Variants in LGSN observed in about 807,000 individuals in gnomAD.
LGSN encodes lengsin.
In LGSN, 21 loss-of-function variants were observed where a neutral mutation model predicts 19.5. The observed-to-expected ratio is 1.07, with a 90% CI of 0.76 to 1.55. LGSN has a LOEUF of 1.55. LGSN is among the 40% of genes most tolerant of loss of function. LGSN has a pLI of 0.00. For missense variants in LGSN, 673 were observed against 608.5 expected (o/e 1.11, Z -1.12); for synonymous variants, 257 against 215.6 (o/e 1.19, Z -1.68).
At chr6:63,309,867 T>C (rs1034686161) in intron 1 of LGSN, among the ~76,000 whole-genome samples, 1 of 152,248 alleles carries the variant, frequency 6.6e-6, no homozygotes, top group African/African-American at 2.4e-5. Context: ...CCATTCTCTG[T>C]GCATCCAATG....
the LGSN span, chr6:63,480,190 G>T: frequency 4.5e-6 from 1 of 221,308 alleles, no homozygotes; most frequent in South Asian, 8.5e-5. Context: ...ATGGTTACCT[G>T]GCTGACCAGA....
the LGSN span, among the ~76,000 whole-genome samples, chr6:63,450,257 G>T: frequency 6.6e-6 from 1 of 151,558 alleles, no homozygotes; most frequent in Non-Finnish European, 1.5e-5. Context: ...AGCTACTCAG[G>T]AGGCTGAGGC....
chr6:63,483,746 A>G, the LGSN span, among the ~76,000 whole-genome samples: 8 of 151,574 alleles, frequency 5.3e-5, no homozygotes, highest in South Asian at 2.1e-4. Flanking sequence ...TCTTCTCCCT[A>G]TGTCTTTACA....
chr6:63,328,706 T>G, the LGSN span, among the ~76,000 whole-genome samples: 1 of 152,188 alleles, frequency 6.6e-6, no homozygotes, highest in Non-Finnish European at 1.5e-5. Context: ...TAAAGAGAAG[T>G]TCTGTCCTGT....
chr6:63,359,682 C>G, the LGSN span, among the ~76,000 whole-genome samples: 5 of 151,866 alleles, frequency 3.3e-5, no homozygotes, highest in African/African-American at 1.2e-4. Flanking sequence ...TGGTGATATC[C>G]CCTCTATCAT....
chr6:63,514,829 TAG>T, the LGSN span, among the ~76,000 whole-genome samples: 1 of 152,052 alleles, frequency 6.6e-6, no homozygotes. Flanking sequence ...GCCTTCCTAG[TAG>T]CTGGGACCCC....
chr6:63,459,229 T>G, the LGSN span, among the ~76,000 whole-genome samples: 3 of 152,312 alleles, frequency 2.0e-5, no homozygotes, highest in East Asian at 5.8e-4. Flanking sequence ...ACCATTTTGG[T>G]TCTCTCAAAA....
At chr6:63,318,505 A>G (rs1768953891) in intron 1 of LGSN, among the ~76,000 whole-genome samples, 1 of 152,196 alleles carries the variant, frequency 6.6e-6, no homozygotes. Flanking sequence ...AGTTGGGTCA[A>G]GTGGCCAGCC....
At chr6:63,534,036 G>T in the LGSN span, among the ~76,000 whole-genome samples, 1 of 151,862 alleles carries the variant, frequency 6.6e-6, no homozygotes, top group African/African-American at 2.4e-5. Flanking sequence ...GAGAGATGGG[G>T]TTTCACCATT....
At chr6:63,290,514 C>G (rs1252595939) in intron 2 of LGSN, among the ~76,000 whole-genome samples, 2 of 152,204 alleles carry the variant, frequency 1.3e-5, no homozygotes, top group Non-Finnish European at 2.9e-5. Context: ...CAGCACTTCA[C>G]TATTAGAAAA....
At chr6:63,370,134 G>C in the LGSN span, among the ~76,000 whole-genome samples, 1 of 152,198 alleles carries the variant, frequency 6.6e-6, no homozygotes, top group Non-Finnish European at 1.5e-5. Context: ...AATAATTTCA[G>C]CTTATTGTAA....
the LGSN span, among the ~76,000 whole-genome samples, chr6:63,488,187 C>G: frequency 2.6e-5 from 4 of 152,110 alleles, no homozygotes; most frequent in Admixed American, 2.6e-4. Flanking sequence ...AGGGAAGGGT[C>G]TGGGAGCTTG....
At chr6:63,410,383 C>A in the LGSN span, among the ~76,000 whole-genome samples, 3 of 152,172 alleles carry the variant, frequency 2.0e-5, no homozygotes, top group African/African-American at 4.8e-5. Context: ...TGAGTAAAGT[C>A]TTTATGGAAT....
chr6:63,302,406 G>A (rs1768216767), intron 1 of LGSN, among the ~76,000 whole-genome samples: 1 of 152,106 alleles, frequency 6.6e-6, no homozygotes, highest in Non-Finnish European at 1.5e-5. Context: ...GTGTCCTCAA[G>A]GAGGTTCATG....
the LGSN span, among the ~76,000 whole-genome samples, chr6:63,325,692 C>T: frequency 6.6e-6 from 1 of 152,154 alleles, no homozygotes; most frequent in African/African-American, 2.4e-5. Flanking sequence ...GGTGGCGCAT[C>T]TGGAGTTTGT....
the LGSN span, among the ~76,000 whole-genome samples, chr6:63,485,232 T>C: frequency 6.6e-6 from 1 of 152,140 alleles, no homozygotes; most frequent in Non-Finnish European, 1.5e-5. Flanking sequence ...TTCCCCTCTA[T>C]GTGTTCATGT....
chr6:63,385,816 A>G, the LGSN span, among the ~76,000 whole-genome samples: 46 of 152,196 alleles, frequency 3.0e-4, no homozygotes, highest in Non-Finnish European at 5.7e-4. Context: ...CTAATAACCT[A>G]TCTTTTAGTT....
the LGSN span, among the ~76,000 whole-genome samples, chr6:63,497,378 G>A: frequency 3.1e-4 from 47 of 152,020 alleles, no homozygotes; most frequent in South Asian, 7.1e-3. Context: ...GTGAAAGCCC[G>A]TCTCTACTAA....
the LGSN span, among the ~76,000 whole-genome samples, chr6:63,359,927 A>G: frequency 6.6e-6 from 1 of 152,076 alleles, no homozygotes; most frequent in African/African-American, 2.4e-5. Flanking sequence ...TATGAAGCTT[A>G]CTTTAGCTGG....
Sources: gnomAD v4.1 joint callset for allele counts (sites outside exome capture counted in the v4.1 genomes callset) on GRCh38, gnomAD v4.1.1 for gene constraint, MANE v1.5 for transcripts, NCBI Gene and HGNC (gene_info 2026-07-23, HGNC 2026-07-21) for gene names.